KCNG3: variants seen among roughly 807,000 people sequenced by gnomAD.
The protein encoded by KCNG3 is potassium voltage-gated channel modifier subfamily G member 3.
Under a neutral mutation model 29.0 loss-of-function variants are expected in KCNG3, and 15 were observed. The ratio of observed to expected loss-of-function variants is 0.52; its 90% CI spans 0.35 to 0.80. KCNG3 has a LOEUF of 0.80. Among genes scored for constraint, KCNG3 ranks in the 30% least tolerant of loss-of-function variants. KCNG3 has a pLI of 0.01. For missense variants in KCNG3, 512 were observed against 605.7 expected, an observed-to-expected ratio of 0.85 and a Z score of 1.62; for synonymous variants, 322 against 248.9, an observed-to-expected ratio of 1.29 and a Z score of -2.76.
At chr2:42,441,783 T>TATACAC (rs145165758), downstream of KCNG3, among the ~76,000 whole-genome samples, 712 of 149,824 alleles carry the variant, frequency 4.8e-3, no homozygotes, top group Middle Eastern at 7.2e-3. Context: ...GTATAAAATA[T>TATACAC]ATATATATAG....
the KCNG3 span, among the ~76,000 whole-genome samples, chr2:42,389,173 C>T: frequency 6.6e-6 from 1 of 152,210 alleles, no homozygotes; most frequent in Non-Finnish European, 1.5e-5. Flanking sequence ...CCCCTTCAGC[C>T]TCCCAAAGTG....
At chr2:42,423,920 A>G in the KCNG3 span, among the ~76,000 whole-genome samples, 2 of 151,950 alleles carry the variant, frequency 1.3e-5, no homozygotes, top group Non-Finnish European at 2.9e-5. Flanking sequence ...TACTATTTTG[A>G]TACATTTTAA....
At position 42,493,178 on chromosome 2, in the gene KCNG3, G is replaced by C; in HGVS notation, c.324C>G (p.Leu108=). 1 of 1,609,046 alleles carries C rather than the reference G, an allele frequency of 6.2e-7. No individual in the cohort carries two copies. Among genetic ancestry groups the C allele is most frequent in the Non-Finnish European group, 8.5e-7 (1 of 1,179,764 alleles). The change falls in exon 1 of 2, where the codon CTC becomes CTG. Residue 108 remains leucine, a synonymous_variant. Transcript: ENST00000306078. The part of the protein sequence containing the change: ...MIYWGLEGAH[L]EYCCQRRLDD... ...CGAGGCGGCGCTGGCAGCAGTACTC[G>C]AGGTGCGCGCCCTCCAGGCCCCAGT... is the stretch of plus-strand genomic sequence containing the variant.
At chr2:42,404,659 C>T in the KCNG3 span, among the ~76,000 whole-genome samples, 3 of 151,932 alleles carry the variant, frequency 2.0e-5, no homozygotes. Flanking sequence ...GCCCGGGAGG[C>T]GGAGGTTTCA....
At chr2:42,401,793 A>ACGACT in the KCNG3 span, among the ~76,000 whole-genome samples, 4 of 152,248 alleles carry the variant, frequency 2.6e-5, no homozygotes, top group African/African-American at 9.6e-5. Context: ...CTGAGGCAGG[A>ACGACT]CGACTGCTTG....
chr2:42,397,258 A>G, the KCNG3 span, among the ~76,000 whole-genome samples: 3 of 151,510 alleles, frequency 2.0e-5, no homozygotes, highest in Non-Finnish European at 2.9e-5. Context: ...AAAAAAAAAG[A>G]GAAAAAAAAA....
Position 42,443,770 on chromosome 2 carries a change from C to T in KCNG3, c.*164G>A. On this transcript the variant is annotated 3_prime_UTR_variant, in exon 2 of 2. Coordinates refer to ENST00000306078, the MANE Select transcript of KCNG3 (RefSeq NM_133329.6). ...TTTGCAGTCTCAATTCTATTTACTC[C>T]ATAACAAGTAAACTGTTTTATCCCT... 1 of 624,620 alleles carries T rather than the reference C, an allele frequency of 1.6e-6. No homozygotes were observed. Among genetic ancestry groups the T allele is most frequent in the South Asian group, 2.4e-5 (1 of 41,468 alleles). The allele number at this position is 624,620 out of a possible 1,614,324, so 38.7% of individuals were successfully genotyped here. A position where few individuals can be genotyped will look rare whatever the true frequency, so the allele number is the denominator to read the frequency against.
chr2:42,468,304 G>A (rs1417642535), intron 1 of KCNG3, among the ~76,000 whole-genome samples: 1 of 152,052 alleles, frequency 6.6e-6, no homozygotes, highest in Non-Finnish European at 1.5e-5. Context: ...TAAATGAAAA[G>A]TACAGGTGCT....
intron 1 of KCNG3, among the ~76,000 whole-genome samples, chr2:42,473,668 T>C (rs1246521764): frequency 1.3e-5 from 2 of 152,160 alleles, no homozygotes; most frequent in Non-Finnish European, 2.9e-5. Flanking sequence ...TGTGTTTCTT[T>C]TATTTCACAG....
intron 1 of KCNG3, among the ~76,000 whole-genome samples, chr2:42,450,148 C>G (rs1473151054): frequency 6.6e-6 from 1 of 152,100 alleles, no homozygotes; most frequent in Non-Finnish European, 1.5e-5. Flanking sequence ...CCAGCAGCAG[C>G]CAAAGTTGTT....
At chr2:42,394,667 G>C in the KCNG3 span, among the ~76,000 whole-genome samples, 1 of 152,132 alleles carries the variant, frequency 6.6e-6, no homozygotes, top group Non-Finnish European at 1.5e-5. Context: ...TGACCTGGAA[G>C]CCCCTCCCTG....
chr2:42,456,971 T>C (rs902498058), intron 1 of KCNG3, among the ~76,000 whole-genome samples: 10 of 152,176 alleles, frequency 6.6e-5, no homozygotes, highest in Admixed American at 5.2e-4. Flanking sequence ...GATTTTTTTC[T>C]TACACACTTT....
Position 42,444,390 on chromosome 2 carries a change from T to G in KCNG3, c.855A>C (p.Gly285=). The G allele has an allele frequency of 6.2e-7, 1 of 1,614,182 alleles. No individual in the cohort carries two copies. Among genetic ancestry groups the G allele is most frequent in the Non-Finnish European group, 8.5e-7 (1 of 1,180,040 alleles). ...TGENSQLQRA[G]VTLRVLRMMR... is the part of the protein sequence containing the mutation. ...TCATTCTAAGTACCCTCAAGGTGACTCCAGCCCTCTGGAGTTGAGAGTTCT... is the reference window on the plus strand; with the variant it reads ...TCATTCTAAGTACCCTCAAGGTGACGCCAGCCCTCTGGAGTTGAGAGTTCT... Residue 285 remains glycine, a synonymous_variant, in exon 2 of 2, where the codon GGA becomes GGC. Coordinates refer to ENST00000306078, the MANE Select transcript of KCNG3 (RefSeq NM_133329.6). This position sits in a 1 kb window ranked among gnomAD's most constrained non-coding sequence, Gnocchi z 5.8.
intron 1 of KCNG3, among the ~76,000 whole-genome samples, chr2:42,455,872 G>C (rs921163504): frequency 2.7e-5 from 4 of 150,724 alleles, no homozygotes; most frequent in African/African-American, 9.7e-5. Flanking sequence ...AATTACACAA[G>C]CAATAGGCCA....
intron 1 of KCNG3, among the ~76,000 whole-genome samples, chr2:42,487,243 A>G (rs17029755): frequency 0.089 from 13,478 of 151,416 alleles, 681 homozygotes; most frequent in African/African-American, 0.14. Flanking sequence ...TGCAGCTACT[A>G]TGTTTTAGGC....
the KCNG3 span, among the ~76,000 whole-genome samples, chr2:42,425,690 G>A: frequency 1.3e-5 from 2 of 152,062 alleles, no homozygotes; most frequent in Non-Finnish European, 2.9e-5. Flanking sequence ...AACTTGCCTC[G>A]TGTTGATTAA....
At chr2:42,398,231 A>G in the KCNG3 span, among the ~76,000 whole-genome samples, 1 of 57,318 alleles carries the variant, frequency 1.7e-5, no homozygotes, top group Non-Finnish European at 3.1e-5. Context: ...TCAAAAATAA[A>G]TAAATAAATA....
At chr2:42,408,583 T>G in the KCNG3 span, among the ~76,000 whole-genome samples, 3,130 of 152,124 alleles carry the variant, frequency 0.021, 111 homozygotes, top group African/African-American at 0.071. Context: ...GCTGAACACT[T>G]GTTGGGACAC....
the KCNG3 span, among the ~76,000 whole-genome samples, chr2:42,400,952 G>C: frequency 3.8e-4 from 57 of 151,844 alleles, no homozygotes; most frequent in Middle Eastern, 3.4e-3. Flanking sequence ...CTCTCAGTCT[G>C]TCGTCTTTTA....
Sources: gnomAD v4.1 joint callset for allele counts (sites outside exome capture counted in the v4.1 genomes callset) on GRCh38, gnomAD v4.1.1 for gene constraint, Gnocchi (gnomAD v3.1) non-coding constraint, MANE v1.5 for transcripts, NCBI Gene and HGNC (gene_info 2026-07-23, HGNC 2026-07-21) for gene names.